Variants in NBPF15 observed in about 807,000 individuals in gnomAD.
The protein encoded by NBPF15 is NBPF family member NBPF15.
A neutral mutation model predicts 62.2 loss-of-function variants in NBPF15; 74 were observed. That is an observed-to-expected ratio of 1.19 (90% confidence interval 0.99 to 1.44). The LOEUF (loss-of-function observed/expected upper bound fraction) is 1.44. Ranked by LOEUF, NBPF15 falls within the 40% of genes most tolerant of loss-of-function variation. The probability of loss-of-function intolerance (pLI) is 0.00; values close to 1 mark genes in which losing one functional copy is unlikely to be tolerated. For missense variants in NBPF15, 790 were observed against 550.0 expected, an observed-to-expected ratio of 1.44 and a Z score of -4.36; for synonymous variants, 244 against 209.7, an observed-to-expected ratio of 1.16 and a Z score of -1.41.
At chr1:144,442,087 A>C (rs151177888) in intron 6 of NBPF15, among the ~76,000 whole-genome samples, 9,610 of 130,876 alleles carry the variant, frequency 0.073, 1,200 homozygotes, top group African/African-American at 0.24. Flanking sequence ...TGCAGCAAAC[A>C]AACATGGCAC....
intron 6 of NBPF15, among the ~76,000 whole-genome samples, chr1:144,440,769 C>A (rs1374952432): frequency 6.7e-6 from 1 of 150,362 alleles, no homozygotes; most frequent in East Asian, 1.9e-4. Flanking sequence ...TCTCCTGCCT[C>A]AGACTCCCAA....
At chr1:144,436,778 C>T in intron 10 of NBPF15, 117 bp downstream of exon 10, 4 of 1,354,678 alleles carry the variant, frequency 3.0e-6, no homozygotes, top group South Asian at 2.4e-5. Flanking sequence ...ATGTCATGGC[C>T]ACATAAGCTT....
chr1:144,446,680 T>G (rs1235521907), intron 6 of NBPF15, among the ~76,000 whole-genome samples: 1 of 152,128 alleles, frequency 6.6e-6, no homozygotes, highest in African/African-American at 2.4e-5. Context: ...GCTTTTACTG[T>G]GTATGACAAG....
chr1:144,426,741 G>A (rs879959131), intron 17 of NBPF15, among the ~76,000 whole-genome samples: 4,116 of 151,764 alleles, frequency 0.027, 188 homozygotes, highest in African/African-American at 0.094. Flanking sequence ...TAGTGCGCTC[G>A]GGACACACAA....
chr1:144,428,538 GT>G, intron 15 of NBPF15, 67 bp downstream of exon 15: 1 of 678,400 alleles, frequency 1.5e-6, no homozygotes, highest in Admixed American at 2.2e-5. Context: ...AGCATGTACT[GT>G]TTTCCCTGGA....
rs529084985 is a variant in NBPF15 at position 144,422,812 on chromosome 1, C to T, written c.*201G>A. 1.2e-4 allele frequency: 151 copies of T among 1,312,630 alleles called. No individual in the cohort carries two copies. The highest frequency in any genetic ancestry group is 2.1e-4 in the African/African-American group (14 of 66,836). 81.3% of individuals were successfully genotyped at this position (1,312,630 alleles called of 1,614,324 possible). A position where few individuals can be genotyped will look rare whatever the true frequency, so the allele number is the denominator to read the frequency against. The stretch of plus-strand genomic sequence containing the variant: ...GGCATGTTCTGCACAGTTATGTGAA[C>T]GTGTCACACCTAACATGGGTCCATT... On this transcript the variant is annotated 3_prime_UTR_variant, in exon 22 of 22. Coordinates refer to ENST00000581897, the MANE Select transcript of NBPF15 (RefSeq NM_001385408.1).
rs782544841 is a variant in NBPF15, at chr1:144,438,004, A to T, written c.219T>A (p.Asn73Lys). The change falls in exon 9 of 22, where the codon AAT (asparagine) becomes AAA (lysine). Residue 73 changes from asparagine (N) to lysine (K), a missense_variant. Coordinates refer to ENST00000581897, the MANE Select transcript of NBPF15 (RefSeq NM_001385408.1). ...GCTTCTCCTCCTTGAACTGTCGCTCATTCCTCAGCATAAATTTTATGAGAT... is the reference window on the plus strand; with the variant it reads ...GCTTCTCCTCCTTGAACTGTCGCTCTTTCCTCAGCATAAATTTTATGAGAT... ...CKDLIKFMLR[N>K]ERQFKEEKLA... 1 of 1,611,710 alleles carries T rather than the reference A, an allele frequency of 6.2e-7. No individual in the cohort carries two copies. Among genetic ancestry groups the T allele is most frequent in the South Asian group, 1.1e-5 (1 of 90,980 alleles).
At chr1:144,436,447 G>A (rs1341479388) in intron 10 of NBPF15, among the ~76,000 whole-genome samples, 2 of 151,776 alleles carry the variant, frequency 1.3e-5, no homozygotes, top group African/African-American at 4.8e-5. Context: ...TCCCACATTT[G>A]AATGCTTCAG....
At chr1:144,456,009 T>A (rs1451895392) in intron 4 of NBPF15, among the ~76,000 whole-genome samples, 2 of 151,936 alleles carry the variant, frequency 1.3e-5, no homozygotes, top group African/African-American at 4.8e-5. Flanking sequence ...GGCCTCTCTT[T>A]TAACACATTA....
intron 6 of NBPF15, among the ~76,000 whole-genome samples, chr1:144,445,710 G>C (rs1426037725): frequency 6.6e-6 from 1 of 151,412 alleles, no homozygotes; most frequent in African/African-American, 2.4e-5. Context: ...ATCAATTTAC[G>C]AAGAACTGAC....
intron 6 of NBPF15, among the ~76,000 whole-genome samples, chr1:144,441,818 A>G (rs1683094040): frequency 6.6e-6 from 1 of 150,972 alleles, no homozygotes; most frequent in South Asian, 2.1e-4. Flanking sequence ...TAACTTTTTA[A>G]AACAACAAAT....
chr1:144,440,796 G>T (rs1329479928), intron 6 of NBPF15, among the ~76,000 whole-genome samples: 1 of 150,406 alleles, frequency 6.6e-6, no homozygotes, highest in Non-Finnish European at 1.5e-5. Flanking sequence ...GGGAATACAG[G>T]CGCCCGCCAC....
At chr1:144,442,290 T>TTATATATATATATACACGTGTATATATTA (rs1684017295) in intron 6 of NBPF15, among the ~76,000 whole-genome samples, 1 of 120,124 alleles carries the variant, frequency 8.3e-6, no homozygotes, top group African/African-American at 3.3e-5. Flanking sequence ...CGTGTATATA[T>TTATATATATATATACACGTGTATATATTA]TATATATATA....
intron 7 of NBPF15, 45 bp from the exon 8 acceptor site, chr1:144,440,083 A>C: frequency 6.3e-7 from 1 of 1,576,466 alleles, no homozygotes; most frequent in Non-Finnish European, 8.7e-7. Flanking sequence ...AAAACTGGTG[A>C]AATCAAATAG....
intron 6 of NBPF15, among the ~76,000 whole-genome samples, chr1:144,440,852 G>T (rs1361527822): frequency 6.7e-6 from 1 of 150,228 alleles, no homozygotes; most frequent in Non-Finnish European, 1.5e-5. Flanking sequence ...TGTATTTTTA[G>T]TAGAGACGGG....
chr1:144,434,610 A>G (rs1676845122), intron 12 of NBPF15, among the ~76,000 whole-genome samples: 1 of 150,510 alleles, frequency 6.6e-6, no homozygotes, highest in Admixed American at 6.6e-5. Flanking sequence ...GAAATATATC[A>G]GCAAAGTAAA....
Position 144,423,291 on chromosome 1 carries a change from G to A in NBPF15, c.1770-35C>T, listed in dbSNP as rs202174708. On this transcript the variant is annotated intron_variant, in intron 21 of 21. Coordinates refer to ENST00000581897, the MANE Select transcript of NBPF15 (RefSeq NM_001385408.1). ...GAGACAAAACTAAAGAAGCAGCCAG[G>A]GAAAATCAGACACCACAGAGCCCCA... 5.2e-3 allele frequency: 8,429 copies of A among 1,610,340 alleles called. 422 individuals are homozygous for A. In the African/African-American group the frequency reaches 0.094, roughly 18 times the overall value.
chr1:144,437,419 G>T (rs1467363995), intron 9 of NBPF15, among the ~76,000 whole-genome samples: 1 of 146,924 alleles, frequency 6.8e-6, no homozygotes, highest in East Asian at 2.0e-4. Context: ...TCTGGCCATG[G>T]ACATTTCCAT....
At chr1:144,456,426 G>A (rs1262097162) in intron 4 of NBPF15, 111 bp downstream of exon 4, 1 of 825,216 alleles carries the variant, frequency 1.2e-6, no homozygotes, top group Non-Finnish European at 1.5e-6. Context: ...TTTCATGCCA[G>A]GCAAGGCCCT....
Sources: allele counts gnomAD v4.1 joint callset (sites outside exome capture counted in the v4.1 genomes callset), GRCh38; gene constraint gnomAD v4.1.1; transcripts MANE v1.5; gene names NCBI Gene and HGNC (gene_info 2026-07-23, HGNC 2026-07-21).